The following CEMIP2 variants were observed in gnomAD, a reference collection of about 807,000 sequenced individuals.
CEMIP2 encodes the protein cell surface hyaluronidase CEMIP2.
In CEMIP2, 79 loss-of-function variants were observed where a neutral mutation model predicts 146.9. The ratio of observed to expected loss-of-function variants is 0.54; its 90% CI spans 0.45 to 0.65. CEMIP2 has a LOEUF of 0.65. CEMIP2 is among the 30% of genes least tolerant of loss of function. The probability of loss-of-function intolerance (pLI) is 0.00; values close to 1 mark genes in which losing one functional copy is unlikely to be tolerated. For missense variants in CEMIP2, 1,596 were observed against 1,696.2 expected (o/e 0.94, Z 1.04); for synonymous variants, 601 against 606.3 (o/e 0.99, Z 0.13).
At chr9:71,699,456 A>T in intron 19 of CEMIP2, 1 of 422,316 alleles carries the variant, frequency 2.4e-6, no homozygotes, top group Non-Finnish European at 4.6e-6. Context: ...GTCTCTTAAA[A>T]AAAAAAAAAG....
intron 1 of CEMIP2, among the ~76,000 whole-genome samples, chr9:71,764,424 A>G (rs1824727482): frequency 1.3e-5 from 2 of 152,188 alleles, no homozygotes; most frequent in Admixed American, 6.5e-5. Flanking sequence ...GAGAAAGAAA[A>G]AAAAAAAAGT....
Position 71,698,182 on chromosome 9 carries a change from C to A in CEMIP2, c.3400G>T (p.Ala1134Ser), listed in dbSNP as rs1822456570. 6.2e-7 allele frequency: 1 copy of A among 1,613,964 alleles called. No individual in the cohort carries two copies. Among genetic ancestry groups the A allele is most frequent in the Non-Finnish European group, 8.5e-7 (1 of 1,180,000 alleles). Reference sequence around the variant, plus strand: ...CTGTGGCCATGCCTGTGGCTTTTGGCTTTGAGATACAAAAACAGTAACCTG... The same window carrying A: ...CTGTGGCCATGCCTGTGGCTTTTGGATTTGAGATACAAAAACAGTAACCTG... Reference protein sequence around the residue: ...STGLLFLYLKAKSHRHGHSYC... With the variant: ...STGLLFLYLKSKSHRHGHSYC... The change falls in exon 20 of 24, where the codon GCC becomes TCC. Residue 1134 changes from alanine to serine, a missense_variant. Ala to Ser is a moderately conservative substitution (Grantham distance 99). Transcript: ENST00000377044.
At position 71,766,974 on chromosome 9, in the gene CEMIP2, T is replaced by C. The variant is rs181593615; in HGVS notation, c.-13+1383A>G. On this transcript the variant is annotated intron_variant, in intron 1 of 23. Transcript: ENST00000377044. ...TGAAGAGAAAAGCACTCTAAAGTGC[T>C]ACCCAATGTTTACTAAGCAGAGGAC... 4.6e-5 allele frequency among the ~76,000 whole-genome samples: 7 copies of C among 152,330 alleles called. No individual in the cohort carries two copies. In the East Asian group the frequency reaches 9.7e-4, roughly 21 times the overall value.
chr9:71,686,637 G>A (rs1296850491), intron 22 of CEMIP2: 1 of 152,046 alleles, frequency 6.6e-6, no homozygotes, highest in East Asian at 1.9e-4. Flanking sequence ...GCTCTTTTAG[G>A]GAATAGTCTA....
intron 5 of CEMIP2, among the ~76,000 whole-genome samples, chr9:71,735,923 T>C (rs902798530): frequency 6.6e-6 from 1 of 151,994 alleles, no homozygotes; most frequent in Non-Finnish European, 1.5e-5. Context: ...CGAGGCCCCA[T>C]CTCTAGAAAA....
chr9:71,701,991 C>T (rs1822574938), intron 18 of CEMIP2, among the ~76,000 whole-genome samples: 1 of 152,134 alleles, frequency 6.6e-6, no homozygotes, highest in South Asian at 2.1e-4. Flanking sequence ...GGCGGAGTGG[C>T]TCATGCCTAT....
chr9:71,758,881 A>G (rs1227665820), intron 1 of CEMIP2, among the ~76,000 whole-genome samples: 1 of 152,178 alleles, frequency 6.6e-6, no homozygotes, highest in African/African-American at 2.4e-5. Flanking sequence ...CACAAGGCGC[A>G]TTCTCCATTA....
chr9:71,705,189 GAC>G (rs150316883), intron 17 of CEMIP2, among the ~76,000 whole-genome samples: 250 of 152,012 alleles, frequency 1.6e-3, no homozygotes, highest in African/African-American at 5.9e-3. Flanking sequence ...AAATCTAAGA[GAC>G]TTTCTTCTAA....
intron 21 of CEMIP2, among the ~76,000 whole-genome samples, chr9:71,692,918 CA>C (rs770236586): frequency 1.5e-3 from 76 of 50,470 alleles, no homozygotes; most frequent in African/African-American, 0.01. Flanking sequence ...AACAAACAAA[CA>C]AACGACAACA....
chr9:71,763,515 A>G (rs1445933783), intron 1 of CEMIP2, among the ~76,000 whole-genome samples: 1 of 152,248 alleles, frequency 6.6e-6, no homozygotes, highest in Non-Finnish European at 1.5e-5. Flanking sequence ...AACCAGTGGT[A>G]AAGCCTTATT....
chr9:71,700,811 G>T lies in CEMIP2; in HGVS notation c.3208C>A (p.Arg1070=), dbSNP rs1369486331. 6.2e-7 allele frequency: 1 copy of T among 1,605,168 alleles called. No homozygotes were observed. The highest frequency in any genetic ancestry group is 2.2e-5 in the East Asian group (1 of 44,846). ...LVNFNKNDWI[R]VGLCYPSNTS... is the part of the protein sequence containing the mutation. ...TTTGATGGATAGCAAAGGCCAACTC[G>T]AATCCAGTCATTCCTTTAAAGGAGA... Residue 1070 remains arginine (R), a synonymous_variant, in exon 19 of 24, where the codon CGA becomes AGA. Coordinates refer to ENST00000377044, the MANE Select transcript of CEMIP2 (RefSeq NM_013390.3).
At chr9:71,705,078 T>A (rs902569734) in intron 17 of CEMIP2, 1 of 386,100 alleles carries the variant, frequency 2.6e-6, no homozygotes, top group African/African-American at 2.0e-5. Context: ...AATATAAAAC[T>A]TCTGTGGCTT....
At chr9:71,755,232 C>A (rs1229274521) in intron 1 of CEMIP2, among the ~76,000 whole-genome samples, 1 of 145,838 alleles carries the variant, frequency 6.9e-6, no homozygotes. Flanking sequence ...TGATTTTGGC[C>A]AAGCAAGGTG....
chr9:71,690,207 G>C lies in CEMIP2; in HGVS notation c.3736C>G (p.Leu1246Val). The change falls in exon 22 of 24, where the codon CTC becomes GTC. Residue 1246 changes from leucine (L) to valine (V), a missense_variant. By Grantham distance (32) the Leu-to-Val change is conservative. Transcript: ENST00000377044. Reference sequence around the variant, plus strand: ...CTGCACGGATCCACAACAAGGAGGAGGACGCCTGCACTTCGGAAGGTAAAG... The same window carrying C: ...CTGCACGGATCCACAACAAGGAGGACGACGCCTGCACTTCGGAAGGTAAAG... ...TDFTFRSAGV[L>V]LLVVDPCSVP... 1 of 1,614,120 alleles carries C rather than the reference G, an allele frequency of 6.2e-7. No individual in the cohort carries two copies. The highest frequency in any genetic ancestry group is 8.5e-7 in the Non-Finnish European group (1 of 1,179,994).
chr9:71,750,316 T>A lies in CEMIP2; in HGVS notation c.58A>T (p.Asn20Tyr), dbSNP rs753176157. Reference protein sequence around the residue: ...SPAFLQPQNGNSRHPSGYVPG... With the variant: ...SPAFLQPQNGYSRHPSGYVPG... ...ACATAGCCAGATGGGTGACGACTAT[T>A]TCCATTCTGAGGTTGGAGGAAAGCA... The change falls in exon 2 of 24, where the codon AAT (asparagine) becomes TAT (tyrosine). Residue 20 changes from asparagine to tyrosine, a missense_variant. Transcript: ENST00000377044. 47 of 1,614,028 alleles carry A rather than the reference T, an allele frequency of 2.9e-5. No individual in the cohort carries two copies. Among genetic ancestry groups the A allele is most frequent in the Non-Finnish European group, 3.1e-5 (36 of 1,180,006 alleles).
intron 1 of CEMIP2, among the ~76,000 whole-genome samples, chr9:71,753,238 C>T (rs1299374838): frequency 6.6e-6 from 1 of 150,732 alleles, no homozygotes; most frequent in Non-Finnish European, 1.5e-5. Context: ...CATCTGATAC[C>T]TTATTGTTTC....
At chr9:71,725,909 T>G (rs1157253767) in intron 10 of CEMIP2, among the ~76,000 whole-genome samples, 200 bp from the exon 11 acceptor site, 2 of 152,164 alleles carry the variant, frequency 1.3e-5, no homozygotes, top group Non-Finnish European at 2.9e-5. Flanking sequence ...AAAAGCAAAT[T>G]TAATTTTGCT....
rs892706924 is a variant in CEMIP2 at position 71,684,370 on chromosome 9, T to A, written c.*827A>T. ...AAGTTTACGGTTCAGGAAAACAACC[T>A]ACTTCTTAAAACAAAACAAAACAAA... On this transcript the variant is annotated 3_prime_UTR_variant, in exon 24 of 24. Transcript: ENST00000377044. 1.3e-5 allele frequency: 2 copies of A among 152,586 alleles called. No individual in the cohort carries two copies. The highest frequency in any genetic ancestry group is 4.8e-5 in the African/African-American group (2 of 41,438). 9.5% of individuals were successfully genotyped at this position (152,586 alleles called of 1,614,324 possible). A position where few individuals can be genotyped will look rare whatever the true frequency, so the allele number is the denominator to read the frequency against.
intron 11 of CEMIP2, among the ~76,000 whole-genome samples, chr9:71,724,801 C>G (rs1823334681): frequency 1.3e-5 from 2 of 152,130 alleles, no homozygotes; most frequent in South Asian, 4.1e-4. Context: ...TAATAGGACA[C>G]TCTACCAGCC....
Sources: allele counts gnomAD v4.1 joint callset (sites outside exome capture counted in the v4.1 genomes callset), GRCh38; gene constraint gnomAD v4.1.1; transcripts MANE v1.5; gene names NCBI Gene and HGNC (gene_info 2026-07-23, HGNC 2026-07-21).